NRG1: variants seen among roughly 807,000 people sequenced by gnomAD.
NRG1 encodes the protein neuregulin 1.
Under a neutral mutation model 63.8 loss-of-function variants are expected in NRG1, and 18 were observed. The ratio of observed to expected loss-of-function variants is 0.28; its 90% CI spans 0.19 to 0.42. NRG1 has a LOEUF of 0.42. Ranked by LOEUF, NRG1 falls within the 10% of genes least tolerant of loss-of-function variation. The pLI is 1.00. For missense variants in NRG1, 762 were observed against 814.7 expected (o/e 0.94, Z 0.79); for synonymous variants, 302 against 301.3 (o/e 1.00, Z -0.02).
intron 1 of NRG1, among the ~76,000 whole-genome samples, chr8:32,255,890 A>C (rs1171741602): frequency 6.6e-6 from 1 of 151,964 alleles, no homozygotes; most frequent in Non-Finnish European, 1.5e-5. Flanking sequence ...CATATTTCTT[A>C]GGGGCTTTGT....
chr8:31,766,723 G>T (rs1478862868), intron 1 of NRG1, among the ~76,000 whole-genome samples: 1 of 152,152 alleles, frequency 6.6e-6, no homozygotes, highest in East Asian at 1.9e-4. Context: ...TGATTTTTCT[G>T]CCACAAGCAA....
intron 1 of NRG1, among the ~76,000 whole-genome samples, chr8:31,746,236 G>A (rs1272092462): frequency 1.3e-5 from 2 of 151,874 alleles, no homozygotes; most frequent in Non-Finnish European, 2.9e-5. Context: ...AAGCTTTTGT[G>A]GAAAAACACT....
At chr8:32,059,494 GA>G (rs1823506652) in intron 1 of NRG1, among the ~76,000 whole-genome samples, 1 of 151,932 alleles carries the variant, frequency 6.6e-6, no homozygotes, top group South Asian at 2.1e-4. Flanking sequence ...CTTCCTAAGA[GA>G]AAGCACACAG....
At chr8:32,004,810 AGT>A (rs1813488487) in intron 1 of NRG1, among the ~76,000 whole-genome samples, 3 of 151,976 alleles carry the variant, frequency 2.0e-5, no homozygotes, top group Middle Eastern at 3.4e-3. Flanking sequence ...TGGGATGGAG[AGT>A]GTGAACAAAG....
rs138731038 is a variant in NRG1, at chr8:31,967,862, G to A, written c.37+328431G>A. Among the ~76,000 whole-genome samples, 373 of 152,306 alleles carry A rather than the reference G, an allele frequency of 2.4e-3. 2 individuals are homozygous for A. Among genetic ancestry groups the A allele is most frequent in the African/African-American group, 8.4e-3 (351 of 41,572 alleles). ...ACAATGCCCATGGTACTAAAGTACC[G>A]TCTTGGAGACACTGGTCATAGTTGT... On this transcript the variant is annotated intron_variant, in intron 1 of 10. Coordinates refer to the NRG1 transcript ENST00000519301.
intron 1 of NRG1, among the ~76,000 whole-genome samples, chr8:32,027,417 CTT>C (rs1817561464): frequency 2.1e-5 from 2 of 97,316 alleles, no homozygotes; most frequent in African/African-American, 6.0e-5. Context: ...TCCTTCCCTC[CTT>C]CCTTCCTTCC....
chr8:32,454,980 G>T (rs565600273), intron 1 of NRG1, among the ~76,000 whole-genome samples: 2 of 152,082 alleles, frequency 1.3e-5, no homozygotes, highest in Non-Finnish European at 2.9e-5. Flanking sequence ...GTTCTCTAGT[G>T]CTCAGTACAG....
At chr8:32,467,055 GA>G (rs750412160) in intron 1 of NRG1, among the ~76,000 whole-genome samples, 70 of 151,958 alleles carry the variant, frequency 4.6e-4, no homozygotes, top group Non-Finnish European at 7.1e-4. Flanking sequence ...CCTCCCCTTT[GA>G]AAAATTCATA....
rs948547620 is a variant in NRG1, at chr8:32,661,601, C to G, written c.502+44716C>G. 6.0e-5 allele frequency among the ~76,000 whole-genome samples: 9 copies of G among 150,296 alleles called. No homozygotes were observed. The East Asian group carries it at 1.8e-3, about 30-fold the overall frequency. ...AAGAAACACGGGCTGGTCTAAAAAA[C>G]AGGAATGCCACTTCATTTAGGGCTT... On this transcript the variant is annotated intron_variant, in intron 5 of 11. Coordinates refer to ENST00000356819, the Ensembl canonical transcript of NRG1.
intron 1 of NRG1, among the ~76,000 whole-genome samples, chr8:31,870,638 T>C (rs1009487043): frequency 1.3e-5 from 2 of 152,186 alleles, no homozygotes; most frequent in Non-Finnish European, 2.9e-5. Flanking sequence ...AATCATATAG[T>C]TTTGGCCAAA....
intron 3 of NRG1, among the ~76,000 whole-genome samples, chr8:32,608,092 G>GTTTTTTTTTTTTGTTTTT (rs1845607060): frequency 9.4e-6 from 1 of 106,158 alleles, no homozygotes; most frequent in African/African-American, 3.4e-5. Flanking sequence ...GGTTTTTTTT[G>GTTTTTTTTTTTTGTTTTT]TTTTTTTTTT....
At chr8:31,948,504 C>T (rs569461444) in intron 1 of NRG1, among the ~76,000 whole-genome samples, 2 of 152,212 alleles carry the variant, frequency 1.3e-5, no homozygotes, top group African/African-American at 2.4e-5. Flanking sequence ...TCTCTCCTGC[C>T]AAATGCTGTT....
At chr8:32,306,942 C>T (rs1178581334) in intron 1 of NRG1, among the ~76,000 whole-genome samples, 1 of 152,140 alleles carries the variant, frequency 6.6e-6, no homozygotes, top group African/African-American at 2.4e-5. Flanking sequence ...ATTTTAATCC[C>T]TAGCAGGTTT....
intron 5 of NRG1, among the ~76,000 whole-genome samples, chr8:32,683,081 A>T (rs1487460874): frequency 1.8e-4 from 28 of 152,206 alleles, no homozygotes. Context: ...AAGAATTCTG[A>T]CTTTTTAAAA....
intron 1 of NRG1, among the ~76,000 whole-genome samples, chr8:31,835,699 CACATT>C (rs1825627736): frequency 6.6e-6 from 1 of 152,100 alleles, no homozygotes; most frequent in African/African-American, 2.4e-5. Flanking sequence ...TCATTTCAAC[CACATT>C]ACAAGTATAA....
chr8:32,482,339 T>C (rs564324554), intron 1 of NRG1, among the ~76,000 whole-genome samples: 1 of 152,138 alleles, frequency 6.6e-6, no homozygotes, highest in South Asian at 2.1e-4. Context: ...ATGATGATCA[T>C]TGACATTACC....
intron 1 of NRG1, among the ~76,000 whole-genome samples, chr8:32,181,639 T>C (rs575587609): frequency 6.6e-6 from 1 of 152,366 alleles, no homozygotes; most frequent in African/African-American, 2.4e-5. Flanking sequence ...TCCAGCAGTG[T>C]CTTCTTGGCA....
chr8:32,442,145 A>G (rs1462765327), intron 1 of NRG1, among the ~76,000 whole-genome samples: 1 of 152,202 alleles, frequency 6.6e-6, no homozygotes, highest in African/African-American at 2.4e-5. Flanking sequence ...CCATCTGACT[A>G]TCATCTGGGA....
At chr8:32,694,569 T>A (rs1440262190) in intron 5 of NRG1, among the ~76,000 whole-genome samples, 1 of 152,220 alleles carries the variant, frequency 6.6e-6, no homozygotes. Context: ...ATCACATATT[T>A]TAATTGTATA....
Sources: allele counts gnomAD v4.1 joint callset (sites outside exome capture counted in the v4.1 genomes callset), GRCh38; gene constraint gnomAD v4.1.1; transcripts MANE v1.5; gene names NCBI Gene and HGNC (gene_info 2026-07-23, HGNC 2026-07-21).